ZCWPW2: variants seen among roughly 807,000 people sequenced by gnomAD.
ZCWPW2 encodes zinc finger CW-type PWWP domain protein 2.
In ZCWPW2, 45 loss-of-function variants were observed where a neutral mutation model predicts 46.6. The observed-to-expected ratio is 0.96, with a 90% CI of 0.76 to 1.24. The LOEUF is 1.24. ZCWPW2 is among the 50% of genes most tolerant of loss of function. The probability of loss-of-function intolerance (pLI) is 0.00; values close to 1 mark genes in which losing one functional copy is unlikely to be tolerated. For synonymous variants in ZCWPW2, 152 were observed against 137.1 expected, an observed-to-expected ratio of 1.11 and a Z score of -0.76; for missense variants, 429 against 403.9, an observed-to-expected ratio of 1.06 and a Z score of -0.53.
intron 2 of ZCWPW2, among the ~76,000 whole-genome samples, chr3:28,396,160 T>C (rs1695688292): frequency 6.6e-6 from 1 of 152,118 alleles, no homozygotes; most frequent in Non-Finnish European, 1.5e-5. Flanking sequence ...TCAGAGATCA[T>C]CTAGCCCTAT....
chr3:28,448,041 G>C, intron 4 of ZCWPW2: 1 of 363,554 alleles, frequency 2.8e-6, no homozygotes, highest in Non-Finnish European at 5.3e-6. Flanking sequence ...TTGTGAAATT[G>C]TTTAAGGTAC....
intron 4 of ZCWPW2, among the ~76,000 whole-genome samples, chr3:28,469,877 A>G (rs985930771): frequency 6.6e-6 from 1 of 152,196 alleles, no homozygotes; most frequent in Non-Finnish European, 1.5e-5. Context: ...TCTTCCAGAC[A>G]GAAAATCAAC....
In ZCWPW2 at chr3:28,524,905, T is replaced by G. The variant is rs1700812415; in HGVS notation, c.*217T>G. Reference sequence around the variant, plus strand: ...TTAAAAATTTAGAATTAAAAAACCCTGATATTTGTATTTATATATTTCTTG... The same window carrying G: ...TTAAAAATTTAGAATTAAAAAACCCGGATATTTGTATTTATATATTTCTTG... On this transcript the variant is annotated 3_prime_UTR_variant, in exon 10 of 10. Transcript: ENST00000383768. The G allele has an allele frequency of 3.7e-6, 1 of 272,746 alleles. No individual in the cohort carries two copies. The highest frequency in any genetic ancestry group is 6.5e-6 in the Non-Finnish European group (1 of 153,568). 16.9% of individuals were successfully genotyped at this position (272,746 alleles called of 1,614,324 possible). A position where few individuals can be genotyped will look rare whatever the true frequency, so the allele number is the denominator to read the frequency against.
intron 2 of ZCWPW2, chr3:28,398,053 CT>C (rs1430207480): frequency 3.3e-5 from 5 of 152,182 alleles, no homozygotes; most frequent in African/African-American, 1.2e-4. Context: ...GTCAGTCTGG[CT>C]GCTATAACAA....
chr3:28,369,881 T>G (rs1705252955), intron 1 of ZCWPW2, among the ~76,000 whole-genome samples: 1 of 152,176 alleles, frequency 6.6e-6, no homozygotes, highest in Admixed American at 6.5e-5. Context: ...CCAGCCTCGC[T>G]GCCACCTTGC....
chr3:28,470,093 T>G (rs1698981655), intron 4 of ZCWPW2, among the ~76,000 whole-genome samples: 1 of 152,136 alleles, frequency 6.6e-6, no homozygotes. Context: ...CTTACTACAA[T>G]GCAATAAAAC....
intron 6 of ZCWPW2, among the ~76,000 whole-genome samples, chr3:28,502,813 G>A (rs2125825764): frequency 6.6e-6 from 1 of 152,224 alleles, no homozygotes; most frequent in East Asian, 1.9e-4. Context: ...TCCTAAACCA[G>A]TGTTTCTTTC....
intron 4 of ZCWPW2, among the ~76,000 whole-genome samples, chr3:28,440,944 T>G (rs1164750291): frequency 6.6e-6 from 1 of 152,168 alleles, no homozygotes; most frequent in Non-Finnish European, 1.5e-5. Context: ...TGGTGCCATA[T>G]CGAAGACTCA....
chr3:28,351,292 C>A (rs1309435928), intron 1 of ZCWPW2, among the ~76,000 whole-genome samples: 1 of 150,164 alleles, frequency 6.7e-6, no homozygotes, highest in East Asian at 1.9e-4. Flanking sequence ...AGCTCCTTCT[C>A]CACTTTTTTC....
intron 5 of ZCWPW2, among the ~76,000 whole-genome samples, chr3:28,490,133 C>T (rs1338505734): frequency 6.6e-6 from 1 of 152,048 alleles, no homozygotes; most frequent in Non-Finnish European, 1.5e-5. Context: ...TATCTCACAC[C>T]AGTCAGAATG....
At chr3:28,361,966 GT>G (rs1001765161) in intron 1 of ZCWPW2, among the ~76,000 whole-genome samples, 30 of 152,052 alleles carry the variant, frequency 2.0e-4, no homozygotes, top group Middle Eastern at 3.4e-3. Flanking sequence ...TGTTATAGAG[GT>G]TTCCCCCAAA....
chr3:28,521,966 T>C (rs889810601), intron 9 of ZCWPW2, among the ~76,000 whole-genome samples: 2 of 152,182 alleles, frequency 1.3e-5, no homozygotes, highest in African/African-American at 4.8e-5. Context: ...TTATGTAATT[T>C]GAAAAAGTGG....
chr3:28,521,115 AG>A lies in ZCWPW2; in HGVS notation c.909+1del. ...GGAGAGGAAATAAATATGGGAGAAA[AG>A]GTAATATTGATAGTTATTTTCAGAC... is the stretch of plus-strand genomic sequence containing the variant. ...GHGEEINMGE[K>X]LSKCSPEAPA... On this transcript the variant is annotated frameshift_variant and splice_region_variant, in exon 9 of 10. Transcript: ENST00000383768. LOFTEE classifies it high-confidence loss of function. The A allele has an allele frequency of 3.1e-6, 5 of 1,597,638 alleles. No individual in the cohort carries two copies. Among genetic ancestry groups the A allele is most frequent in the South Asian group, 2.3e-5 (2 of 87,712 alleles).
At chr3:28,378,546 A>T (rs1435164546) in intron 1 of ZCWPW2, among the ~76,000 whole-genome samples, 1 of 152,122 alleles carries the variant, frequency 6.6e-6, no homozygotes, top group Non-Finnish European at 1.5e-5. Flanking sequence ...CAACATATAC[A>T]TATGATAAAG....
At chr3:28,453,276 GC>G (rs757375426) in intron 4 of ZCWPW2, among the ~76,000 whole-genome samples, 6 of 152,180 alleles carry the variant, frequency 3.9e-5, no homozygotes, top group Non-Finnish European at 8.8e-5. Flanking sequence ...TGACTTCGCA[GC>G]ACCAACTAAA....
intron 1 of ZCWPW2, among the ~76,000 whole-genome samples, chr3:28,358,701 C>G (rs1424726354): frequency 6.6e-6 from 1 of 152,008 alleles, no homozygotes; most frequent in Non-Finnish European, 1.5e-5. Flanking sequence ...GACACATTCC[C>G]TTTGTACTTG....
intron 5 of ZCWPW2, among the ~76,000 whole-genome samples, chr3:28,491,525 T>G (rs1026600000): frequency 9.9e-5 from 15 of 152,034 alleles, no homozygotes; most frequent in Non-Finnish European, 1.0e-4. Flanking sequence ...TCTTGCTGAA[T>G]CTTTCTCTGA....
intron 1 of ZCWPW2, among the ~76,000 whole-genome samples, chr3:28,355,619 C>T (rs1704703593): frequency 1.3e-5 from 2 of 152,190 alleles, no homozygotes; most frequent in South Asian, 4.1e-4. Flanking sequence ...GCTACAGTAA[C>T]CAAAATAGCA....
chr3:28,510,943 A>G, intron 6 of ZCWPW2: 2 of 402,130 alleles, frequency 5.0e-6, no homozygotes, highest in Non-Finnish European at 9.8e-6. Flanking sequence ...TCTCTACTCC[A>G]TGGTCACTAA....
Sources: gnomAD v4.1 joint callset for allele counts (sites outside exome capture counted in the v4.1 genomes callset) on GRCh38, gnomAD v4.1.1 for gene constraint, MANE v1.5 for transcripts, NCBI Gene and HGNC (gene_info 2026-07-23, HGNC 2026-07-21) for gene names.